The following HIVEP2 variants were observed in gnomAD, a reference collection of about 807,000 sequenced individuals.
The protein encoded by HIVEP2 is transcription factor HIVEP2.
Under a neutral mutation model 180.7 loss-of-function variants are expected in HIVEP2, and 14 were observed. The ratio of observed to expected loss-of-function variants is 0.08; its 90% CI spans 0.05 to 0.12. The LOEUF (loss-of-function observed/expected upper bound fraction) is 0.12. Among genes scored for constraint, HIVEP2 ranks in the 10% least tolerant of loss-of-function variants. HIVEP2 has a pLI of 1.00. For synonymous variants in HIVEP2, 1,184 were observed against 1,136.4 expected (o/e 1.04, Z -0.84); for missense variants, 2,579 against 3,008.5 (o/e 0.86, Z 3.34).
chr6:142,919,557 C>T (rs1437951160), intron 1 of HIVEP2, among the ~76,000 whole-genome samples: 1 of 152,058 alleles, frequency 6.6e-6, no homozygotes, highest in Non-Finnish European at 1.5e-5. Flanking sequence ...TTTAAGGAAA[C>T]ACATGTCACA....
intron 2 of HIVEP2, among the ~76,000 whole-genome samples, chr6:142,827,079 A>G (rs1774923525): frequency 6.6e-6 from 1 of 152,022 alleles, no homozygotes; most frequent in Non-Finnish European, 1.5e-5. Flanking sequence ...CCATTCTACT[A>G]CTCCTGTTAA....
At chr6:142,879,122 C>T (rs1452172526) in intron 1 of HIVEP2, among the ~76,000 whole-genome samples, 1 of 152,098 alleles carries the variant, frequency 6.6e-6, no homozygotes, top group South Asian at 2.1e-4. Context: ...GCAAAAATGG[C>T]GATTTCTCAC....
chr6:142,908,801 A>G (rs1281910026), intron 1 of HIVEP2, among the ~76,000 whole-genome samples: 2 of 146,760 alleles, frequency 1.4e-5, no homozygotes, highest in Non-Finnish European at 3.0e-5. Context: ...ATATGTACCT[A>G]TGGAAAAAGA....
At position 142,760,269 on chromosome 6, in the gene HIVEP2, T is replaced by C; in HGVS notation, c.6019A>G (p.Thr2007Ala). 2 of 1,614,188 alleles carry C rather than the reference T, an allele frequency of 1.2e-6. No individual in the cohort carries two copies. The highest frequency in any genetic ancestry group is 1.7e-6 in the Non-Finnish European group (2 of 1,180,022). The change falls in exon 9 of 10, where the codon ACG (threonine) becomes GCG (alanine). Residue 2007 changes from threonine to alanine, a missense_variant. Transcript: ENST00000367603. ...EYQRLFQSKS[T>A]DSEPDKDRLD... Reference sequence around the variant, plus strand: ...CTGTCTTTGTCTGGTTCTGAGTCCGTACTTTTGCTCTGGAATAGCCTCTGG... The same window carrying C: ...CTGTCTTTGTCTGGTTCTGAGTCCGCACTTTTGCTCTGGAATAGCCTCTGG...
intron 2 of HIVEP2, among the ~76,000 whole-genome samples, chr6:142,789,309 T>C (rs1776081742): frequency 1.3e-5 from 2 of 152,240 alleles, no homozygotes; most frequent in South Asian, 2.1e-4. Flanking sequence ...TCATCTGGTA[T>C]TGGCCATGCA....
intron 1 of HIVEP2, among the ~76,000 whole-genome samples, chr6:142,919,012 C>T (rs955584532): frequency 3.3e-5 from 5 of 152,062 alleles, no homozygotes; most frequent in African/African-American, 7.2e-5. Flanking sequence ...AAATACATTC[C>T]TCTGCTTTGA....
intron 2 of HIVEP2, among the ~76,000 whole-genome samples, chr6:142,796,075 T>TAGATATG (rs1776272068): frequency 6.6e-6 from 1 of 151,736 alleles, no homozygotes; most frequent in African/African-American, 2.4e-5. Flanking sequence ...GTAGTAGATA[T>TAGATATG]ATTGCTGTTG....
At chr6:142,904,048 G>C (rs1039770152) in intron 1 of HIVEP2, among the ~76,000 whole-genome samples, 4 of 152,144 alleles carry the variant, frequency 2.6e-5, no homozygotes, top group African/African-American at 9.7e-5. Flanking sequence ...CTGAGATGCA[G>C]CAAGCTCACT....
chr6:142,772,367 C>A lies in HIVEP2; in HGVS notation c.2372G>T (p.Gly791Val), dbSNP rs755585640. Residue 791 changes from glycine to valine, a missense_variant, in exon 5 of 10, where the codon GGC (glycine) becomes GTC (valine). Gly to Val is a moderately radical substitution (Grantham distance 109, BLOSUM62 -3). Transcript: ENST00000367603. This position sits in a 1 kb window ranked among gnomAD's most constrained non-coding sequence, Gnocchi z 4.9. ...IDSDKMSDLG[G>V]RKPPGNVISV... is the part of the protein sequence containing the mutation. Reference sequence around the variant, plus strand: ...AATCACATTTCCAGGAGGTTTCCTGCCCCCTAGGTCTGACATCTTGTCTGA... The same window carrying A: ...AATCACATTTCCAGGAGGTTTCCTGACCCCTAGGTCTGACATCTTGTCTGA... 1.2e-5 allele frequency: 20 copies of A among 1,614,230 alleles called. No individual in the cohort carries two copies. The African/African-American group carries it at 2.7e-4, about 22-fold the overall frequency.
At chr6:142,826,329 G>A (rs907703303) in intron 2 of HIVEP2, among the ~76,000 whole-genome samples, 3 of 152,100 alleles carry the variant, frequency 2.0e-5, no homozygotes, top group Non-Finnish European at 4.4e-5. Context: ...ACTACACTCA[G>A]GTTTACTGTG....
chr6:142,760,030 T>C lies in HIVEP2; in HGVS notation c.6258A>G (p.Arg2086=), dbSNP rs1775184025. 6.2e-7 allele frequency: 1 copy of C among 1,614,118 alleles called. No individual in the cohort carries two copies. The highest frequency in any genetic ancestry group is 2.2e-5 in the East Asian group (1 of 44,872). The part of the protein sequence containing the change: ...LSPRRDLSPM[R]HLSPRKEAAL... ...CAGCTTCCTTTCTTGGTGAAAGATG[T>C]CTCATGGGTGACAGATCTCTCCTAG... Residue 2086 remains arginine (R), a synonymous_variant, in exon 9 of 10, where the codon AGA becomes AGG. Coordinates refer to ENST00000367603, the MANE Select transcript of HIVEP2 (RefSeq NM_006734.4).
intron 1 of HIVEP2, among the ~76,000 whole-genome samples, chr6:142,904,157 T>C (rs1318086225): frequency 1.3e-5 from 2 of 152,128 alleles, no homozygotes; most frequent in Non-Finnish European, 2.9e-5. Context: ...GAATTTCAAC[T>C]CGTATTTGGC....
chr6:142,911,140 A>C (rs1464789246), intron 1 of HIVEP2, among the ~76,000 whole-genome samples: 7 of 18,526 alleles, frequency 3.8e-4, no homozygotes, highest in Admixed American at 2.1e-3. Flanking sequence ...CAAACACATT[A>C]AAAAAAAAAA....
At chr6:142,785,631 C>A (rs1053757872) in intron 2 of HIVEP2, among the ~76,000 whole-genome samples, 1 of 152,254 alleles carries the variant, frequency 6.6e-6, no homozygotes, top group Non-Finnish European at 1.5e-5. Flanking sequence ...TGCCCCCCAA[C>A]AAGCTCTGAT....
chr6:142,774,431 T>C lies in HIVEP2; in HGVS notation c.308A>G (p.His103Arg). Reference protein sequence around the residue: ...SCQHSLSFPQHSLPQGVMHST... With the variant: ...SCQHSLSFPQRSLPQGVMHST... ...GTGCATGACCCCCTGTGGCAATGAG[T>C]GCTGAGGGAAAGAGAGTGAGTGTTG... Residue 103 changes from histidine (H) to arginine (R), a missense_variant, in exon 5 of 10, where the codon CAC becomes CGC. Physicochemically the swap from His to Arg is conservative, Grantham distance 29. Coordinates refer to ENST00000367603, the MANE Select transcript of HIVEP2 (RefSeq NM_006734.4). This position sits in a 1 kb window ranked among gnomAD's most constrained non-coding sequence, Gnocchi z 5.1. 2 of 1,614,072 alleles carry C rather than the reference T, an allele frequency of 1.2e-6. No homozygotes were observed. Among genetic ancestry groups the C allele is most frequent in the Non-Finnish European group, 1.7e-6 (2 of 1,180,004 alleles).
Position 142,943,560 on chromosome 6 carries a change from G to A in HIVEP2, c.-641+1539C>T, listed in dbSNP as rs140773601. ...GAAAAATCAATAGCCCTTGACTAGG[G>A]CTCTGGGTATGCTAGAAAAACACAG... On this transcript the variant is annotated intron_variant, in intron 1 of 9. Transcript: ENST00000367603. The surrounding 1 kb of genome is among the most constrained non-coding windows in gnomAD (Gnocchi z 4.5). 8.0e-3 allele frequency among the ~76,000 whole-genome samples: 1,215 copies of A among 152,212 alleles called. 8 individuals carry two copies. The highest frequency in any genetic ancestry group is 0.014 in the Non-Finnish European group (923 of 68,006).
chr6:142,848,449 G>C (rs1336617602), intron 1 of HIVEP2, among the ~76,000 whole-genome samples: 1 of 152,132 alleles, frequency 6.6e-6, no homozygotes, highest in East Asian at 1.9e-4. Context: ...GCTGGGCATG[G>C]TAGCTCACAT....
rs988380170 is a variant in HIVEP2 at position 142,898,386 on chromosome 6, G to T, written c.-641+46713C>A. On this transcript the variant is annotated intron_variant, in intron 1 of 9. Coordinates refer to ENST00000367603, the MANE Select transcript of HIVEP2 (RefSeq NM_006734.4). Reference sequence around the variant, plus strand: ...CTAAAATGTAGGTCACACAGGCCGCGCGCAGTGGCTCACACCTGTAATCCC... The same window carrying T: ...CTAAAATGTAGGTCACACAGGCCGCTCGCAGTGGCTCACACCTGTAATCCC... Among the ~76,000 whole-genome samples the T allele has an allele frequency of 2.6e-5, 4 of 152,238 alleles. No homozygotes were observed. In the Middle Eastern group the frequency reaches 0.014, roughly 518 times the overall value.
At position 142,760,248 on chromosome 6, in the gene HIVEP2, C is replaced by T. The variant is rs1381802539; in HGVS notation, c.6040G>A (p.Asp2014Asn). ...SKSTDSEPDK[D>N]RLDIPSCMDE... ...ATACAACTAGGTATGTCCAATCTGT[C>T]TTTGTCTGGTTCTGAGTCCGTACTT... The change falls in exon 9 of 10, where the codon GAC becomes AAC. Residue 2014 changes from aspartate (D) to asparagine (N), a missense_variant. By Grantham distance (23) the Asp-to-Asn change is conservative (BLOSUM62 1). Transcript: ENST00000367603. The T allele has an allele frequency of 6.2e-7, 1 of 1,614,172 alleles. No homozygotes were observed. Among genetic ancestry groups the T allele is most frequent in the South Asian group, 1.1e-5 (1 of 91,076 alleles).
Sources: gnomAD v4.1 joint callset for allele counts (sites outside exome capture counted in the v4.1 genomes callset) on GRCh38, gnomAD v4.1.1 for gene constraint, Gnocchi (gnomAD v3.1) non-coding constraint, MANE v1.5 for transcripts, NCBI Gene and HGNC (gene_info 2026-07-23, HGNC 2026-07-21) for gene names.